The following ENTREP2 variants were observed in gnomAD, a reference collection of about 807,000 sequenced individuals.
ENTREP2 encodes protein ENTREP2.
the ENTREP2 span, among the ~76,000 whole-genome samples, chr15:29,463,911 C>T: frequency 2.2e-4 from 34 of 152,280 alleles, 2 homozygotes; most frequent in African/African-American, 7.2e-4. Flanking sequence ...TGCTCCAACA[C>T]GGATAAACCT....
chr15:29,576,552 G>A, the ENTREP2 span, among the ~76,000 whole-genome samples: 1,730 of 152,272 alleles, frequency 0.011, 25 homozygotes, highest in Non-Finnish European at 0.014. Context: ...AACATGGAAA[G>A]AAATATATGC....
At chr15:29,639,085 T>A in the ENTREP2 span, among the ~76,000 whole-genome samples, 1 of 152,266 alleles carries the variant, frequency 6.6e-6, no homozygotes, top group East Asian at 1.9e-4. Flanking sequence ...CAACCTTGAT[T>A]TGTAACTTAT....
the ENTREP2 span, chr15:29,252,269 A>C: frequency 1.5e-6 from 1 of 658,750 alleles, no homozygotes; most frequent in South Asian, 2.5e-5. Flanking sequence ...GAAAGTGTAC[A>C]TGAGAACCTA....
chr15:29,388,739 A>G, the ENTREP2 span, among the ~76,000 whole-genome samples: 1 of 152,176 alleles, frequency 6.6e-6, no homozygotes, highest in Non-Finnish European at 1.5e-5. Context: ...GATAGACTGG[A>G]TTAAGAAAAT....
At chr15:29,568,680 G>A in the ENTREP2 span, among the ~76,000 whole-genome samples, 1 of 147,028 alleles carries the variant, frequency 6.8e-6, no homozygotes, top group Non-Finnish European at 1.5e-5. Flanking sequence ...CTCCAGCCTG[G>A]GCAAAAGAGC....
chr15:29,162,642 G>C, the ENTREP2 span, among the ~76,000 whole-genome samples: 1 of 151,986 alleles, frequency 6.6e-6, no homozygotes, highest in East Asian at 1.9e-4. Flanking sequence ...TCCCCCACAG[G>C]AGCTGCAGCA....
At chr15:29,195,413 CCCCTGCATACTGCATT>C in the ENTREP2 span, 1 of 683,318 alleles carries the variant, frequency 1.5e-6, no homozygotes, top group Non-Finnish European at 1.8e-6. Context: ...AGTTTCCCAT[CCCCTGCATACTGCATT>C]CCCTACACAC....
chr15:29,613,045 G>C, the ENTREP2 span, among the ~76,000 whole-genome samples: 4 of 152,184 alleles, frequency 2.6e-5, no homozygotes, highest in South Asian at 2.1e-4. Context: ...GAATTTGCAC[G>C]TGGGCCCCAT....
the ENTREP2 span, among the ~76,000 whole-genome samples, chr15:29,318,972 C>T: frequency 2.0e-5 from 3 of 152,174 alleles, no homozygotes; most frequent in South Asian, 2.1e-4. Flanking sequence ...AATTTGTTTA[C>T]AGTCATATGT....
the ENTREP2 span, among the ~76,000 whole-genome samples, chr15:29,480,761 T>A: frequency 6.6e-6 from 1 of 152,058 alleles, no homozygotes; most frequent in Non-Finnish European, 1.5e-5. Flanking sequence ...AACATCCCAT[T>A]TCCCGGGCAA....
chr15:29,414,831 C>T, the ENTREP2 span, among the ~76,000 whole-genome samples: 1 of 152,196 alleles, frequency 6.6e-6, no homozygotes, highest in African/African-American at 2.4e-5. Flanking sequence ...CCACCGATCC[C>T]ACAGAAATAC....
chr15:29,434,528 G>T, the ENTREP2 span, among the ~76,000 whole-genome samples: 3 of 152,106 alleles, frequency 2.0e-5, no homozygotes, highest in Non-Finnish European at 4.4e-5. Flanking sequence ...CTCTGGAAGG[G>T]TCATGTGCTG....
the ENTREP2 span, among the ~76,000 whole-genome samples, chr15:29,478,599 G>C: frequency 6.6e-6 from 1 of 151,868 alleles, no homozygotes; most frequent in Non-Finnish European, 1.5e-5. Flanking sequence ...GTTCTTGCAC[G>C]ATCTGGTCAT....
the ENTREP2 span, among the ~76,000 whole-genome samples, chr15:29,436,083 T>TG: frequency 6.6e-6 from 1 of 152,314 alleles, no homozygotes; most frequent in South Asian, 2.1e-4. Flanking sequence ...ATTTCACTCC[T>TG]GGGGTGAGAA....
the ENTREP2 span, among the ~76,000 whole-genome samples, chr15:29,615,199 A>G: frequency 6.8e-6 from 1 of 146,944 alleles, no homozygotes; most frequent in East Asian, 2.0e-4. Flanking sequence ...TCCATTGCCC[A>G]GGCTGGAGTG....
the ENTREP2 span, among the ~76,000 whole-genome samples, chr15:29,488,475 G>A: frequency 3.9e-5 from 6 of 152,302 alleles, no homozygotes; most frequent in African/African-American, 1.4e-4. Flanking sequence ...AAGGAGAGGT[G>A]CGAGTGAAAG....
chr15:29,546,604 T>C, the ENTREP2 span, among the ~76,000 whole-genome samples: 1 of 152,002 alleles, frequency 6.6e-6, no homozygotes, highest in Non-Finnish European at 1.5e-5. Flanking sequence ...CAGATAAAAT[T>C]GGCCAGGCAC....
chr15:29,388,678 A>G, the ENTREP2 span, among the ~76,000 whole-genome samples: 1 of 152,152 alleles, frequency 6.6e-6, no homozygotes, highest in Non-Finnish European at 1.5e-5. Flanking sequence ...CGTTTATTGC[A>G]GCACTATTCA....
chr15:29,159,419 T>A, the ENTREP2 span, among the ~76,000 whole-genome samples: 7 of 152,140 alleles, frequency 4.6e-5, no homozygotes, highest in Admixed American at 1.3e-4. Flanking sequence ...ATAACAAAGC[T>A]TCCACAGCAT....
Sources: allele counts gnomAD v4.1 joint callset (sites outside exome capture counted in the v4.1 genomes callset), GRCh38; gene constraint gnomAD v4.1.1; transcripts MANE v1.5; gene names NCBI Gene and HGNC (gene_info 2026-07-23, HGNC 2026-07-21).